LUC7L2: variants seen among roughly 807,000 people sequenced by gnomAD.
LUC7L2 encodes putative RNA-binding protein Luc7-like 2.
In LUC7L2, 25 loss-of-function variants were observed where a neutral mutation model predicts 52.8. That is an observed-to-expected ratio of 0.47 (90% confidence interval 0.34 to 0.66). The LOEUF (loss-of-function observed/expected upper bound fraction) is 0.66. Among genes scored for constraint, LUC7L2 ranks in the 30% least tolerant of loss-of-function variants. The probability of loss-of-function intolerance (pLI) is 0.01; values close to 1 mark genes in which losing one functional copy is unlikely to be tolerated. For missense variants in LUC7L2, 328 were observed against 497.8 expected (o/e 0.66, Z 3.25); for synonymous variants, 144 against 160.9 (o/e 0.89, Z 0.80).
rs1224431271 is a variant in LUC7L2, at chr7:139,360,248, G to C, written c.-14G>C. 1.9e-6 allele frequency: 3 copies of C among 1,547,514 alleles called. No individual in the cohort carries two copies. Among genetic ancestry groups the C allele is most frequent in the South Asian group, 1.2e-5 (1 of 84,034 alleles). On this transcript the variant is annotated 5_prime_UTR_variant, in exon 1 of 10. Transcript: ENST00000354926. The stretch of plus-strand genomic sequence containing the variant: ...GCGCCCCACCCCCGCCCGTCCGCCC[G>C]CTACGCCGCCGCCATGTCGGCGCAG...
At chr7:139,420,911 G>A (rs1795874693) in intron 9 of LUC7L2, among the ~76,000 whole-genome samples, 1 of 152,078 alleles carries the variant, frequency 6.6e-6, no homozygotes, top group African/African-American at 2.4e-5. Flanking sequence ...TGATTCTCCT[G>A]CCTCAGCCTC....
intron 3 of LUC7L2, 90 bp downstream of exon 3, chr7:139,398,787 T>C: frequency 6.6e-6 from 8 of 1,217,694 alleles, no homozygotes; most frequent in Non-Finnish European, 9.1e-6. Flanking sequence ...GAAAAACTCT[T>C]AGCAGTTTAT....
chr7:139,423,130 AAT>A lies in LUC7L2; in HGVS notation c.*792_*793del, dbSNP rs1218951846. ...ACCCTTATTGTAAAAAAATAATAAT[AAT>A]AAAATGAAAGAAACAATCACCACCA... On this transcript the variant is annotated 3_prime_UTR_variant, in exon 10 of 10. Coordinates refer to ENST00000354926, the MANE Select transcript of LUC7L2 (RefSeq NM_016019.5). The A allele has an allele frequency of 8.8e-5, 35 of 399,048 alleles. No individual in the cohort carries two copies. The highest frequency in any genetic ancestry group is 1.4e-4 in the Non-Finnish European group (31 of 226,066). The allele number at this position is 399,048 out of a possible 1,614,324, so 24.7% of individuals were successfully genotyped here.
At chr7:139,350,259 C>G (rs796878239) in intron 1 of LUC7L2, among the ~76,000 whole-genome samples, 1 of 151,686 alleles carries the variant, frequency 6.6e-6, no homozygotes, top group African/African-American at 2.4e-5. Context: ...GTAGCTGGGA[C>G]TACAGGCGCC....
chr7:139,382,799 G>T (rs1467864109), intron 2 of LUC7L2, among the ~76,000 whole-genome samples: 1 of 152,178 alleles, frequency 6.6e-6, no homozygotes, highest in East Asian at 1.9e-4. Flanking sequence ...TAGGTTCCGG[G>T]TTTTATCCCA....
At chr7:139,392,783 G>C (rs1794498321) in intron 2 of LUC7L2, 1 of 154,968 alleles carries the variant, frequency 6.5e-6, no homozygotes, top group Non-Finnish European at 1.4e-5. Context: ...CTCCCGAGTA[G>C]TTGGGATTAC....
rs1795409229 is a variant in LUC7L2, at chr7:139,412,587, G to GT, written c.809+8dup. On this transcript the variant is annotated splice_region_variant and intron_variant, in intron 8 of 9. Coordinates refer to ENST00000354926, the MANE Select transcript of LUC7L2 (RefSeq NM_016019.5). ...ACAGCAAGAATCCAAAAAGGTAGGT[G>GT]TATTACATAAGACAGGTATAAGTAG... The GT allele has an allele frequency of 3.1e-6, 5 of 1,603,692 alleles. No individual in the cohort carries two copies. The highest frequency in any genetic ancestry group is 3.4e-6 in the Non-Finnish European group (4 of 1,176,676).
chr7:139,359,858 C>A (rs1012977899), upstream of LUC7L2: 2 of 409,982 alleles, frequency 4.9e-6, no homozygotes, highest in African/African-American at 2.1e-5. Context: ...TTGGTGGAGC[C>A]CCCGCGGGAA....
At chr7:139,414,898 T>C (rs1795519813) in intron 8 of LUC7L2, among the ~76,000 whole-genome samples, 2 of 152,122 alleles carry the variant, frequency 1.3e-5, no homozygotes, top group Non-Finnish European at 2.9e-5. Flanking sequence ...TCTTTTAATT[T>C]TTTTTTGAGA....
intron 7 of LUC7L2, among the ~76,000 whole-genome samples, chr7:139,412,136 A>G (rs1795384852): frequency 6.6e-6 from 1 of 152,060 alleles, no homozygotes; most frequent in Non-Finnish European, 1.5e-5. Context: ...CTGTAATCCC[A>G]GCACTTCGGA....
chr7:139,356,314 CAAAAAA>C (rs10524961), upstream of LUC7L2, among the ~76,000 whole-genome samples: 1 of 82,896 alleles, frequency 1.2e-5, no homozygotes, highest in Non-Finnish European at 3.3e-5. Context: ...GACCCTATCT[CAAAAAA>C]AAAAAAAAAA....
At chr7:139,356,314 C>CAAAAAAAAA (rs10524961), upstream of LUC7L2, among the ~76,000 whole-genome samples, 3 of 82,968 alleles carry the variant, frequency 3.6e-5, no homozygotes, top group Non-Finnish European at 6.6e-5. Context: ...GACCCTATCT[C>CAAAAAAAAA]AAAAAAAAAA....
chr7:139,399,920 T>TGTAA (rs1554395106), intron 3 of LUC7L2, among the ~76,000 whole-genome samples: 2 of 151,932 alleles, frequency 1.3e-5, no homozygotes, highest in Non-Finnish European at 2.9e-5. Context: ...TGCATATATA[T>TGTAA]AATCAGCATT....
intron 1 of LUC7L2, among the ~76,000 whole-genome samples, chr7:139,348,575 T>A (rs1799346192): frequency 6.6e-6 from 1 of 151,136 alleles, no homozygotes; most frequent in Admixed American, 6.6e-5. Context: ...AAAAATTAGC[T>A]GGACTTAGTG....
intron 2 of LUC7L2, among the ~76,000 whole-genome samples, chr7:139,378,169 G>A (rs1329391210): frequency 6.6e-6 from 1 of 151,850 alleles, no homozygotes; most frequent in Non-Finnish European, 1.5e-5. Flanking sequence ...ATTTTATACC[G>A]TGTGCTATGC....
At chr7:139,388,185 T>C (rs1162239867) in intron 2 of LUC7L2, among the ~76,000 whole-genome samples, 1 of 152,170 alleles carries the variant, frequency 6.6e-6, no homozygotes, top group East Asian at 1.9e-4. Flanking sequence ...CTCTCTCTCT[T>C]TCCAGTTAGA....
intron 7 of LUC7L2, among the ~76,000 whole-genome samples, chr7:139,410,465 C>T (rs184062156): frequency 2.9e-4 from 44 of 152,160 alleles, no homozygotes; most frequent in African/African-American, 9.9e-4. Context: ...CATTGGTATT[C>T]ATTAATTGAT....
chr7:139,403,065 A>G (rs1794985991), intron 4 of LUC7L2, among the ~76,000 whole-genome samples: 1 of 152,188 alleles, frequency 6.6e-6, no homozygotes, highest in Non-Finnish European at 1.5e-5. Flanking sequence ...TTTTCATTCC[A>G]TATAACTTTC....
At chr7:139,371,482 G>GT (rs1800446468) in intron 1 of LUC7L2, 1 of 1,301,662 alleles carries the variant, frequency 7.7e-7, no homozygotes, top group Non-Finnish European at 1.0e-6. Context: ...AAATTTTGAT[G>GT]TTTTTAAAAT....
Sources: gnomAD v4.1 joint callset for allele counts (sites outside exome capture counted in the v4.1 genomes callset) on GRCh38, gnomAD v4.1.1 for gene constraint, MANE v1.5 for transcripts, NCBI Gene and HGNC (gene_info 2026-07-23, HGNC 2026-07-21) for gene names.